The following MAP4K3 variants were observed in gnomAD, a reference collection of about 807,000 sequenced individuals.
The protein encoded by MAP4K3 is MAPK/ERK kinase kinase kinase 3.
MAP4K3 carries 94 observed loss-of-function variants against 143.5 expected under a neutral mutation model. The observed-to-expected ratio is 0.65, with a 90% CI of 0.55 to 0.78. The LOEUF (loss-of-function observed/expected upper bound fraction) is 0.78, where lower values mean the gene tolerates loss of function less well. MAP4K3 is among the 30% of genes least tolerant of loss of function. The pLI is 0.00. For synonymous variants in MAP4K3, 416 were observed against 347.2 expected (o/e 1.20, Z -2.20); for missense variants, 1,077 against 1,068.1 (o/e 1.01, Z -0.12).
Position 39,250,608 on chromosome 2 carries a change from A to C in MAP4K3, c.*10T>G. ...TCTTTCTAGAGTTAACTGTCAAAGC[A>C]CAACAATTCTCAGTAACTGTTTTCA... On this transcript the variant is annotated 3_prime_UTR_variant, in exon 34 of 34. Transcript: ENST00000263881. 6.2e-7 allele frequency: 1 copy of C among 1,611,794 alleles called. No individual in the cohort carries two copies. The highest frequency in any genetic ancestry group is 8.5e-7 in the Non-Finnish European group (1 of 1,178,208).
At chr2:39,332,275 G>T (rs936031271) in intron 7 of MAP4K3, among the ~76,000 whole-genome samples, 7 of 152,130 alleles carry the variant, frequency 4.6e-5, no homozygotes, top group African/African-American at 1.7e-4. Flanking sequence ...ATAGCTGAGA[G>T]AATGTAAATT....
intron 1 of MAP4K3, among the ~76,000 whole-genome samples, chr2:39,396,247 C>T (rs1048565972): frequency 6.6e-6 from 1 of 151,510 alleles, no homozygotes; most frequent in Non-Finnish European, 1.5e-5. Context: ...CACGATGTTG[C>T]TCAGGCTGGT....
At chr2:39,331,709 A>C (rs747989153) in intron 8 of MAP4K3, among the ~76,000 whole-genome samples, 1 of 152,102 alleles carries the variant, frequency 6.6e-6, no homozygotes, top group Non-Finnish European at 1.5e-5. Flanking sequence ...TCAATCATTA[A>C]AGCCTTTTCT....
intron 1 of MAP4K3, among the ~76,000 whole-genome samples, chr2:39,417,215 C>CTTT (rs1243263619): frequency 3.0e-5 from 4 of 133,778 alleles, no homozygotes; most frequent in African/African-American, 8.2e-5. Context: ...GGTTTCTTTT[C>CTTT]TTTTTTTTTT....
intron 1 of MAP4K3, among the ~76,000 whole-genome samples, chr2:39,430,520 A>G (rs1462463681): frequency 6.6e-6 from 1 of 152,192 alleles, no homozygotes; most frequent in East Asian, 1.9e-4. Context: ...GTGGTATGAA[A>G]AAATAAATAA....
At chr2:39,265,446 A>C in intron 27 of MAP4K3, 140 bp from the exon 28 acceptor site, 1 of 693,808 alleles carries the variant, frequency 1.4e-6, no homozygotes, top group Non-Finnish European at 2.6e-6. Flanking sequence ...TCAGTTTCTT[A>C]ATTAGAGGGC....
intron 21 of MAP4K3, among the ~76,000 whole-genome samples, chr2:39,283,073 C>T (rs757578493): frequency 6.6e-6 from 1 of 152,170 alleles, no homozygotes; most frequent in Non-Finnish European, 1.5e-5. Context: ...AACACAGATG[C>T]TGAAATAAAC....
chr2:39,361,421 G>C (rs1665767559), intron 2 of MAP4K3, among the ~76,000 whole-genome samples: 1 of 151,058 alleles, frequency 6.6e-6, no homozygotes, highest in Non-Finnish European at 1.5e-5. Context: ...TTATTCTAAA[G>C]GTAATAACCA....
Position 39,288,090 on chromosome 2 carries a change from T to C in MAP4K3, c.1474+31A>G, listed in dbSNP as rs371965595. 3.5e-5 allele frequency: 57 copies of C among 1,611,178 alleles called. No homozygotes were observed. The African/African-American group carries it at 3.9e-4, about 11-fold the overall frequency. On this transcript the variant is annotated intron_variant, in intron 20 of 33. Transcript: ENST00000263881. ...TTCTCCCCATAGTATGAAAACCTGGTAACATATTTGCTGTCACCCTCCACC... is the reference window on the plus strand; with the variant it reads ...TTCTCCCCATAGTATGAAAACCTGGCAACATATTTGCTGTCACCCTCCACC...
At chr2:39,432,480 T>C (rs1665320647) in intron 1 of MAP4K3, among the ~76,000 whole-genome samples, 1 of 152,228 alleles carries the variant, frequency 6.6e-6, no homozygotes. Context: ...TTCTGGTCTC[T>C]CTAGAGTCTA....
rs139932418 is a variant in MAP4K3 at position 39,347,525 on chromosome 2, G to C, written c.246-4073C>G. On this transcript the variant is annotated intron_variant, in intron 3 of 33. Transcript: ENST00000263881. ...TGTAAACTGCTTAGTAAAGGACCTG[G>C]AATATAGCACAATAAATGTAAGTTG... 5.0e-3 allele frequency among the ~76,000 whole-genome samples: 768 copies of C among 152,166 alleles called. 6 individuals are homozygous for C. Among genetic ancestry groups the C allele is most frequent in the African/African-American group, 0.017 (710 of 41,520 alleles).
intron 1 of MAP4K3, among the ~76,000 whole-genome samples, chr2:39,396,487 T>TAA (rs1666809120): frequency 6.6e-6 from 1 of 151,808 alleles, no homozygotes; most frequent in Non-Finnish European, 1.5e-5. Context: ...AATTTTTTTT[T>TAA]TTTTTTTTTT....
At chr2:39,273,869 C>G (rs1030106781) in intron 24 of MAP4K3, among the ~76,000 whole-genome samples, 1 of 152,170 alleles carries the variant, frequency 6.6e-6, no homozygotes, top group East Asian at 1.9e-4. Context: ...ATTGGGACTT[C>G]ATTGGCTATA....
chr2:39,301,534 T>C (rs1285325382), intron 15 of MAP4K3, among the ~76,000 whole-genome samples: 1 of 152,192 alleles, frequency 6.6e-6, no homozygotes, highest in Admixed American at 6.5e-5. Flanking sequence ...CTTTAGCCAA[T>C]ACAATCTCTT....
intron 32 of MAP4K3, among the ~76,000 whole-genome samples, chr2:39,254,193 C>T (rs774567860): frequency 6.6e-6 from 1 of 152,118 alleles, no homozygotes; most frequent in Admixed American, 6.5e-5. Flanking sequence ...TCACTTTTAG[C>T]AGATTAGCAA....
chr2:39,267,136 C>A, intron 27 of MAP4K3, 53 bp downstream of exon 27: 1 of 1,554,396 alleles, frequency 6.4e-7, no homozygotes, highest in South Asian at 1.1e-5. Context: ...TGTTTTATGC[C>A]AGATTTTAGG....
chr2:39,318,223 C>A (rs1029431874), intron 12 of MAP4K3, among the ~76,000 whole-genome samples: 5 of 151,924 alleles, frequency 3.3e-5, no homozygotes, highest in Admixed American at 3.3e-4. Context: ...AAGAAGGGAA[C>A]AATAGACATA....
chr2:39,286,342 G>A (rs2148472184), intron 21 of MAP4K3, among the ~76,000 whole-genome samples: 1 of 152,330 alleles, frequency 6.6e-6, no homozygotes, highest in South Asian at 2.1e-4. Flanking sequence ...CTCACCTCCT[G>A]CTGTGTGGCC....
At chr2:39,263,640 C>A (rs1038771120) in intron 28 of MAP4K3, among the ~76,000 whole-genome samples, 11 of 152,062 alleles carry the variant, frequency 7.2e-5, no homozygotes, top group African/African-American at 2.2e-4. Flanking sequence ...TTAAGGAAGG[C>A]AGGCAAACAT....
Sources: gnomAD v4.1 joint callset for allele counts (sites outside exome capture counted in the v4.1 genomes callset) on GRCh38, gnomAD v4.1.1 for gene constraint, MANE v1.5 for transcripts, NCBI Gene and HGNC (gene_info 2026-07-23, HGNC 2026-07-21) for gene names.